The following NDRG2 variants were observed in gnomAD, a reference collection of about 807,000 sequenced individuals.
NDRG2 encodes protein NDRG2.
Under a neutral mutation model 58.2 loss-of-function variants are expected in NDRG2, and 34 were observed. The ratio of observed to expected loss-of-function variants is 0.58; its 90% CI spans 0.44 to 0.78. The LOEUF is 0.78. Among genes scored for constraint, NDRG2 ranks in the 30% least tolerant of loss-of-function variants. The pLI, the probability that NDRG2 is intolerant of heterozygous loss-of-function variation, is 0.00. For synonymous variants in NDRG2, 187 were observed against 175.9 expected (o/e 1.06, Z -0.50); for missense variants, 434 against 471.2 (o/e 0.92, Z 0.73).
chr14:21,040,241 C>T (rs892043908), intron 1 of NDRG2, among the ~76,000 whole-genome samples: 3 of 152,168 alleles, frequency 2.0e-5, no homozygotes, highest in African/African-American at 7.2e-5. Flanking sequence ...GAGCCAGAGG[C>T]CTGTGTGAAC....
upstream of NDRG2, among the ~76,000 whole-genome samples, chr14:21,029,704 T>G (rs1883929523): frequency 6.6e-6 from 1 of 152,166 alleles, no homozygotes; most frequent in Non-Finnish European, 1.5e-5. Context: ...GGCAGAGCCT[T>G]TCTGAATGGG....
At chr14:21,043,497 C>G (rs766309952) in intron 1 of NDRG2, 4 of 1,434,378 alleles carry the variant, frequency 2.8e-6, no homozygotes, top group Non-Finnish European at 3.8e-6. Flanking sequence ...GGCTGACCTT[C>G]AATTCCCTCT....
rs1354245689 is a variant in NDRG2 at position 21,017,069 on chromosome 14, T to G, written c.*527A>C. Reference sequence around the variant, plus strand: ...ATTCCAACTTCCTTTTTACACTGGATGTTTCTATCACATCCTGAGGACCAC... The same window carrying G: ...ATTCCAACTTCCTTTTTACACTGGAGGTTTCTATCACATCCTGAGGACCAC... On this transcript the variant is annotated 3_prime_UTR_variant, in exon 16 of 16. Transcript: ENST00000556147. 2.2e-6 allele frequency: 1 copy of G among 452,314 alleles called. No individual in the cohort carries two copies. Among genetic ancestry groups the G allele is most frequent in the Non-Finnish European group, 4.5e-6 (1 of 224,064 alleles). 28.0% of individuals were successfully genotyped at this position (452,314 alleles called of 1,614,324 possible).
upstream of NDRG2, chr14:21,028,633 T>C (rs186477947): frequency 6.9e-4 from 105 of 152,266 alleles, no homozygotes; most frequent in African/African-American, 2.3e-3. Context: ...ATAGTATATC[T>C]TGAGCCACAG....
At chr14:21,034,087 A>G in intron 1 of NDRG2, 1 of 1,614,198 alleles carries the variant, frequency 6.2e-7, no homozygotes, top group South Asian at 1.1e-5. Context: ...ATCTTTGGGC[A>G]ATCTGAATTT....
rs1042658931 is a variant in NDRG2, at chr14:21,069,870, C to A, written c.24+958G>T. On this transcript the variant is annotated intron_variant, in intron 1 of 14. Transcript: ENST00000403829. Reference sequence around the variant, plus strand: ...TCCCGGGCGAGTTAGAGCGGGGAGGCTTTCCAGCCGCAGGAAGACCCCAGT... The same window carrying A: ...TCCCGGGCGAGTTAGAGCGGGGAGGATTTCCAGCCGCAGGAAGACCCCAGT... Among the ~76,000 whole-genome samples, 3 of 152,212 alleles carry A rather than the reference C, an allele frequency of 2.0e-5. No homozygotes were observed. The East Asian group carries it at 5.8e-4, about 29-fold the overall frequency.
At chr14:21,039,028 C>G (rs913309407) in intron 1 of NDRG2, among the ~76,000 whole-genome samples, 1 of 152,192 alleles carries the variant, frequency 6.6e-6, no homozygotes, top group Non-Finnish European at 1.5e-5. Flanking sequence ...GATAACAGAA[C>G]TTGGATCTGC....
intron 1 of NDRG2, among the ~76,000 whole-genome samples, chr14:21,049,104 A>T (rs1885345654): frequency 6.6e-6 from 1 of 152,226 alleles, no homozygotes; most frequent in Non-Finnish European, 1.5e-5. Context: ...CTAACTTTTG[A>T]GGGTGCCCTC....
intron 1 of NDRG2, among the ~76,000 whole-genome samples, chr14:21,047,160 A>T (rs1885215598): frequency 6.6e-6 from 1 of 152,236 alleles, no homozygotes; most frequent in Non-Finnish European, 1.5e-5. Flanking sequence ...ATTGTTTCAT[A>T]TATAAGCTTT....
intron 1 of NDRG2, among the ~76,000 whole-genome samples, chr14:21,066,006 C>A (rs1594528308): frequency 6.6e-6 from 1 of 152,158 alleles, no homozygotes; most frequent in Middle Eastern, 3.4e-3. Flanking sequence ...AGCTGAGGCA[C>A]CAGAATCACT....
intron 1 of NDRG2, chr14:21,031,982 G>T: frequency 1.2e-6 from 2 of 1,614,124 alleles, no homozygotes; most frequent in South Asian, 2.2e-5. Flanking sequence ...GAGTGGCAAG[G>T]GCAAGGGCAT....
chr14:21,063,474 T>C (rs1321075050), intron 1 of NDRG2, among the ~76,000 whole-genome samples: 3 of 152,108 alleles, frequency 2.0e-5, no homozygotes, highest in Non-Finnish European at 2.9e-5. Context: ...GGTTTTGTAA[T>C]TGGGGGGTCT....
intron 1 of NDRG2, among the ~76,000 whole-genome samples, chr14:21,060,762 A>G (rs1248619381): frequency 6.6e-6 from 1 of 152,070 alleles, no homozygotes. Flanking sequence ...GCAGCCTCTC[A>G]GTGTTCGTTA....
chr14:21,033,907 T>C (rs1183584032), intron 1 of NDRG2: 1 of 1,614,006 alleles, frequency 6.2e-7, no homozygotes. Flanking sequence ...TTGGTTAGGG[T>C]GCTATTGTAG....
rs746562886 is a variant in NDRG2 at position 21,019,696 on chromosome 14, A to G, written c.659T>C (p.Ile220Thr). The part of the protein sequence containing the change: ...NSELIQKYRN[I>T]ITHAPNLDNI... ...ATCCAGGTTGGGTGCATGTGTAATGATATTTCTGTACTTTTGTATCAACTC... is the reference window on the plus strand; with the variant it reads ...ATCCAGGTTGGGTGCATGTGTAATGGTATTTCTGTACTTTTGTATCAACTC... The change falls in exon 10 of 16, where the codon ATC becomes ACC. Residue 220 changes from isoleucine (I) to threonine (T), a missense_variant. Coordinates refer to ENST00000556147, the MANE Select transcript of NDRG2 (RefSeq NM_001320329.2). 25 of 1,613,876 alleles carry G rather than the reference A, an allele frequency of 1.5e-5. No individual in the cohort carries two copies. Among genetic ancestry groups the G allele is most frequent in the Non-Finnish European group, 1.9e-5 (23 of 1,179,858 alleles).
chr14:21,056,320 A>G (rs747223208), intron 1 of NDRG2, among the ~76,000 whole-genome samples: 2 of 152,198 alleles, frequency 1.3e-5, no homozygotes, highest in Non-Finnish European at 2.9e-5. Flanking sequence ...ATAATACGCT[A>G]AATATATATT....
intron 1 of NDRG2, among the ~76,000 whole-genome samples, chr14:21,060,573 C>A (rs1885905656): frequency 6.6e-6 from 1 of 152,192 alleles, no homozygotes; most frequent in Admixed American, 6.5e-5. Flanking sequence ...CTCCAACCAC[C>A]ATTAACCTAC....
intron 1 of NDRG2, among the ~76,000 whole-genome samples, chr14:21,037,523 G>C (rs1052188968): frequency 4.6e-5 from 7 of 152,242 alleles, no homozygotes; most frequent in Admixed American, 2.0e-4. Context: ...TCACAACCAG[G>C]AGTTGCTACT....
At chr14:21,047,270 T>C (rs1443546887) in intron 1 of NDRG2, among the ~76,000 whole-genome samples, 1 of 152,252 alleles carries the variant, frequency 6.6e-6, no homozygotes, top group Admixed American at 6.5e-5. Context: ...TAATAATTTT[T>C]TTTTAAGCTC....
Sources: allele counts gnomAD v4.1 joint callset (sites outside exome capture counted in the v4.1 genomes callset), GRCh38; gene constraint gnomAD v4.1.1; transcripts MANE v1.5; gene names NCBI Gene and HGNC (gene_info 2026-07-23, HGNC 2026-07-21).